The following TLN2 variants were observed in gnomAD, a reference collection of about 807,000 sequenced individuals.
TLN2 encodes the protein talin 2, also known as talin-2.
TLN2 carries 118 observed loss-of-function variants against 294.7 expected under a neutral mutation model. That is an observed-to-expected ratio of 0.40 (90% CI 0.34 to 0.47). The LOEUF (loss-of-function observed/expected upper bound fraction) is 0.47. Among genes scored for constraint, TLN2 ranks in the 20% least tolerant of loss-of-function variants. TLN2 has a pLI of 0.84. For missense variants in TLN2, 3,083 were observed against 3,282.2 expected (o/e 0.94, Z 1.48); for synonymous variants, 1,431 against 1,304.5 (o/e 1.10, Z -2.09).
At chr15:62,502,204 G>A (rs1331685851) in intron 1 of TLN2, among the ~76,000 whole-genome samples, 3 of 152,198 alleles carry the variant, frequency 2.0e-5, no homozygotes, top group African/African-American at 7.2e-5. Flanking sequence ...TGCTCCTTTT[G>A]TGTTTTCATT....
intron 1 of TLN2, among the ~76,000 whole-genome samples, chr15:62,579,867 T>G (rs2044766702): frequency 6.6e-6 from 1 of 152,168 alleles, no homozygotes; most frequent in Non-Finnish European, 1.5e-5. Context: ...ATGGTCAGGG[T>G]GGCAGTGAGA....
intron 1 of TLN2, among the ~76,000 whole-genome samples, chr15:62,502,835 A>G (rs1004327143): frequency 5.9e-5 from 9 of 152,164 alleles, no homozygotes; most frequent in African/African-American, 1.4e-4. Flanking sequence ...CTGTTTTCCT[A>G]TCACCTGTGT....
At chr15:62,411,118 G>A (rs1168499542) in intron 1 of TLN2, among the ~76,000 whole-genome samples, 1 of 152,142 alleles carries the variant, frequency 6.6e-6, no homozygotes, top group Non-Finnish European at 1.5e-5. Context: ...CTGCCCTCAT[G>A]GATAGCACAG....
In TLN2 at chr15:62,552,519, C is replaced by T. The variant is rs2042380958; in HGVS notation, c.-237-37168C>T. On this transcript the variant is annotated intron_variant, in intron 1 of 58. Coordinates refer to ENST00000636159, the MANE Select transcript of TLN2 (RefSeq NM_015059.3). The stretch of plus-strand genomic sequence containing the variant: ...AGCTCTCATACTGTACACAAGTGTC[C>T]TTTTTGTGGTCTATTTAATGTCATG... 5.3e-5 allele frequency among the ~76,000 whole-genome samples: 8 copies of T among 152,070 alleles called. No homozygotes were observed. In the South Asian group the frequency reaches 1.7e-3, roughly 32 times the overall value.
At chr15:62,707,605 G>A (rs1414400284) in intron 20 of TLN2, among the ~76,000 whole-genome samples, 1 of 152,210 alleles carries the variant, frequency 6.6e-6, no homozygotes, top group East Asian at 1.9e-4. Context: ...AATCCACAGA[G>A]TTTATGGGAA....
At chr15:62,761,845 C>A in intron 38 of TLN2, 24 bp downstream of exon 38, 2 of 1,612,784 alleles carry the variant, frequency 1.2e-6, no homozygotes, top group South Asian at 2.2e-5. Flanking sequence ...ACAGGAACAT[C>A]ATACTAAGGT....
chr15:62,753,724 C>G, intron 35 of TLN2, 49 bp from the exon 36 acceptor site: 2 of 1,554,030 alleles, frequency 1.3e-6, no homozygotes, highest in African/African-American at 1.4e-5. Context: ...CCAGCAGGCT[C>G]ACCTAGGAGC....
intron 44 of TLN2, among the ~76,000 whole-genome samples, chr15:62,783,216 C>T (rs368639557): frequency 1.2e-4 from 18 of 152,360 alleles, no homozygotes; most frequent in African/African-American, 4.3e-4. Flanking sequence ...CTCTAAAACA[C>T]TGACTTATCC....
intron 2 of TLN2, among the ~76,000 whole-genome samples, chr15:62,606,929 A>G (rs1203622524): frequency 1.3e-5 from 2 of 152,070 alleles, no homozygotes; most frequent in Admixed American, 6.5e-5. Flanking sequence ...ACGGTGGGCC[A>G]CTGTTGTTGT....
intron 1 of TLN2, among the ~76,000 whole-genome samples, chr15:62,469,045 C>A (rs1049152971): frequency 6.6e-6 from 1 of 152,158 alleles, no homozygotes; most frequent in Non-Finnish European, 1.5e-5. Flanking sequence ...ACAATGTTTT[C>A]GTGAAGGCAG....
chr15:62,545,119 T>C (rs2041917808), intron 1 of TLN2, among the ~76,000 whole-genome samples: 1 of 151,820 alleles, frequency 6.6e-6, no homozygotes, highest in South Asian at 2.1e-4. Flanking sequence ...TTTGTATTTT[T>C]AGTAGAGACG....
intron 54 of TLN2, chr15:62,829,890 T>G (rs532649613): frequency 1.3e-5 from 2 of 152,154 alleles, no homozygotes; most frequent in Non-Finnish European, 2.9e-5. Context: ...GAACATACAA[T>G]GTTTGTCTTT....
At chr15:62,451,273 G>C (rs542685504) in intron 1 of TLN2, among the ~76,000 whole-genome samples, 6 of 152,310 alleles carry the variant, frequency 3.9e-5, no homozygotes, top group African/African-American at 1.2e-4. Flanking sequence ...TGTGTCTAGG[G>C]CGTGGTGTGA....
At chr15:62,634,858 A>T (rs572687656) in intron 3 of TLN2, among the ~76,000 whole-genome samples, 2 of 152,296 alleles carry the variant, frequency 1.3e-5, no homozygotes, top group Non-Finnish European at 2.9e-5. Context: ...GTCTAGTCCA[A>T]TCCTTCTTCT....
intron 2 of TLN2, among the ~76,000 whole-genome samples, chr15:62,609,784 G>A (rs1404131983): frequency 1.3e-5 from 2 of 152,182 alleles, no homozygotes; most frequent in Non-Finnish European, 2.9e-5. Context: ...TCTCTTTGTG[G>A]AGGGTCCTTT....
At chr15:62,706,408 T>G (rs1035001194) in intron 19 of TLN2, among the ~76,000 whole-genome samples, 3 of 152,364 alleles carry the variant, frequency 2.0e-5, no homozygotes, top group Admixed American at 1.3e-4. Flanking sequence ...ATCTTATAGC[T>G]AGTGTATTTA....
chr15:62,417,652 A>G (rs1274821079), intron 1 of TLN2, among the ~76,000 whole-genome samples: 1 of 152,224 alleles, frequency 6.6e-6, no homozygotes, highest in Non-Finnish European at 1.5e-5. Flanking sequence ...TCGAGTCTGC[A>G]AGGAGGTTTG....
chr15:62,489,461 A>G (rs1478267179), intron 1 of TLN2, among the ~76,000 whole-genome samples: 1 of 152,168 alleles, frequency 6.6e-6, no homozygotes, highest in Non-Finnish European at 1.5e-5. Context: ...CTTTTCATAT[A>G]AACCATTAGT....
rs369042993 is a variant in TLN2, at chr15:62,740,742, C to T, written c.3998C>T (p.Ala1333Val). The change falls in exon 32 of 59, where the codon GCG becomes GTG. Residue 1333 changes from alanine to valine, a missense_variant. Transcript: ENST00000636159. ...SLSVDPGAPN[A>V]KNLLAAAARA... ...TCTGTAGATCCAGGAGCTCCCAATGCGAAAAATCTCCTGGCTGCAGCTGCA... is the reference window on the plus strand; with the variant it reads ...TCTGTAGATCCAGGAGCTCCCAATGTGAAAAATCTCCTGGCTGCAGCTGCA... 167 of 1,614,046 alleles carry T rather than the reference C, an allele frequency of 1.0e-4. No individual in the cohort carries two copies. Among genetic ancestry groups the T allele is most frequent in the Middle Eastern group, 3.3e-4 (2 of 6,084 alleles).
Sources: gnomAD v4.1 joint callset for allele counts (sites outside exome capture counted in the v4.1 genomes callset) on GRCh38, gnomAD v4.1.1 for gene constraint, MANE v1.5 for transcripts, NCBI Gene and HGNC (gene_info 2026-07-23, HGNC 2026-07-21) for gene names.